Variants in VARS1 observed in about 807,000 individuals in gnomAD.
VARS1 encodes valine--tRNA ligase.
In VARS1, 92 loss-of-function variants were observed where a neutral mutation model predicts 161.0. That is an observed-to-expected ratio of 0.57 (90% CI 0.48 to 0.68). The LOEUF (loss-of-function observed/expected upper bound fraction) is 0.68, where lower values mean the gene tolerates loss of function less well. Among genes scored for constraint, VARS1 ranks in the 30% least tolerant of loss-of-function variants. The probability of loss-of-function intolerance (pLI) is 0.00; values close to 1 mark genes in which losing one functional copy is unlikely to be tolerated. For missense variants in VARS1, 1,338 were observed against 1,695.9 expected, an observed-to-expected ratio of 0.79 and a Z score of 3.71; for synonymous variants, 595 against 682.5, an observed-to-expected ratio of 0.87 and a Z score of 2.00.
At chr6:31,789,681 G>C (rs1813738563) in intron 8 of VARS1, among the ~76,000 whole-genome samples, 1 of 152,148 alleles carries the variant, frequency 6.6e-6, no homozygotes, top group South Asian at 2.1e-4. Context: ...CAATCTTTTG[G>C]CTTCCCTGGG....
At position 31,778,196 on chromosome 6, in the gene VARS1, G is replaced by A. The variant is rs1812865826; in HGVS notation, c.3727-534C>T. On this transcript the variant is annotated intron_variant, in intron 29 of 29. Coordinates refer to ENST00000375663, the MANE Select transcript of VARS1 (RefSeq NM_006295.3). The surrounding 1 kb of genome is among the most constrained non-coding windows in gnomAD (Gnocchi z 5.1). ...GTCAGCCCAGTAGGCTTGAAAGTAAGTGGTGGGAGGCCCAGGGCTCCCCGA... is the reference window on the plus strand; with the variant it reads ...GTCAGCCCAGTAGGCTTGAAAGTAAATGGTGGGAGGCCCAGGGCTCCCCGA... 1 of 156,936 alleles carries A rather than the reference G, an allele frequency of 6.4e-6. No individual in the cohort carries two copies. Among genetic ancestry groups the A allele is most frequent in the African/African-American group, 2.4e-5 (1 of 41,516 alleles). The allele number at this position is 156,936 out of a possible 1,614,324, so 9.7% of individuals were successfully genotyped here.
At position 31,780,445 on chromosome 6, in the gene VARS1, G is replaced by C; in HGVS notation, c.2921C>G (p.Ser974Cys). The change falls in exon 25 of 30, where the codon TCC becomes TGC. Residue 974 changes from serine (S) to cysteine (C), a missense_variant. Physicochemically the swap from Ser to Cys is moderately radical, Grantham distance 112. Around this residue, in one of 3 missense-constraint regions of VARS1, gnomAD observed 433 missense variants for 586.2 expected, o/e 0.74. Transcript: ENST00000375663. The surrounding 1 kb of genome is among the most constrained non-coding windows in gnomAD (Gnocchi z 5.1). Reference sequence around the variant, plus strand: ...TGCTGCCCACCAGGCCCTTACCTGGGAGGTGGGTGAGGGCACAAAACCCTT... The same window carrying C: ...TGCTGCCCACCAGGCCCTTACCTGGCAGGTGGGTGAGGGCACAAAACCCTT... ...LGKGFVPSPT[S>C]QPGGHESLVD... 1.2e-6 allele frequency: 2 copies of C among 1,612,930 alleles called. No homozygotes were observed. The highest frequency in any genetic ancestry group is 1.7e-6 in the Non-Finnish European group (2 of 1,179,416).
Position 31,781,284 on chromosome 6 carries a change from CT to C in VARS1, c.2545-162del. On this transcript the variant is annotated intron_variant, in intron 21 of 29. Transcript: ENST00000375663. The surrounding 1 kb of genome is among the most constrained non-coding windows in gnomAD (Gnocchi z 6.8). The stretch of plus-strand genomic sequence containing the variant: ...GCCTTTATGTGAATCAGAAGCACTC[CT>C]TCCTCTGGGAAGATGAAGCCCTGGG... The C allele has an allele frequency of 8.4e-7, 1 of 1,185,410 alleles. No individual in the cohort carries two copies. 73.4% of individuals were successfully genotyped at this position (1,185,410 alleles called of 1,614,324 possible).
In VARS1 at chr6:31,782,574, C is replaced by T; in HGVS notation, c.1947G>A (p.Leu649=). The T allele has an allele frequency of 6.2e-7, 1 of 1,613,100 alleles. No homozygotes were observed. The highest frequency in any genetic ancestry group is 1.1e-5 in the South Asian group (1 of 91,086). The change falls in exon 16 of 30, where the codon CTG becomes CTA. Residue 649 remains leucine, a synonymous_variant. Transcript: ENST00000375663. This position sits in a 1 kb window ranked among gnomAD's most constrained non-coding sequence, Gnocchi z 8.3. ...AVLVALKERG[L]FRGIEDNPMV... Reference sequence around the variant, plus strand: ...TGGGGTTGTCCTCAATGCCACGGAACAGTCCCCGCTCCTTCAGCGCCACCA... The same window carrying T: ...TGGGGTTGTCCTCAATGCCACGGAATAGTCCCCGCTCCTTCAGCGCCACCA...
At chr6:31,792,630 C>T (rs555266332) in intron 4 of VARS1, 114 bp from the exon 5 acceptor site, 2 of 1,591,344 alleles carry the variant, frequency 1.3e-6, no homozygotes, top group African/African-American at 1.3e-5. Context: ...TGCTGACCTC[C>T]CCCCTCTCCC....
Position 31,795,248 on chromosome 6 carries a change from A to G in VARS1, c.-31T>C. ...TGAGAAGGTCCGAACGAAGTGGAAAAACCTAAGGAGAAAGAGAGACAGGGG... is the reference window on the plus strand; with the variant it reads ...TGAGAAGGTCCGAACGAAGTGGAAAGACCTAAGGAGAAAGAGAGACAGGGG... On this transcript the variant is annotated splice_region_variant and 5_prime_UTR_variant, in exon 2 of 30. Coordinates refer to ENST00000375663, the MANE Select transcript of VARS1 (RefSeq NM_006295.3). The surrounding 1 kb of genome is among the most constrained non-coding windows in gnomAD (Gnocchi z 6.9). 1 of 1,392,450 alleles carries G rather than the reference A, an allele frequency of 7.2e-7. No individual in the cohort carries two copies. 86.3% of individuals were successfully genotyped at this position (1,392,450 alleles called of 1,614,324 possible).
At chr6:31,783,391 T>C (rs2151422799) in intron 13 of VARS1, among the ~76,000 whole-genome samples, 1 of 152,064 alleles carries the variant, frequency 6.6e-6, no homozygotes, top group Middle Eastern at 3.4e-3. Flanking sequence ...GTGCCTGTAA[T>C]CTCAGCTACT....
In VARS1 at chr6:31,781,232, CTGAGTGTCCCCAAGAGCTCGT is replaced by C; in HGVS notation, c.2545-130_2545-110del. The stretch of plus-strand genomic sequence containing the variant: ...ACCCCACTGTGAACCTCAGGTCCCA[CTGAGTGTCCCCAAGAGCTCGT>C]TGAGCGCCTTTATGTGAATCAGAAG... On this transcript the variant is annotated intron_variant, in intron 21 of 29. Transcript: ENST00000375663. The surrounding 1 kb of genome is among the most constrained non-coding windows in gnomAD (Gnocchi z 6.8). 7.5e-7 allele frequency: 1 copy of C among 1,336,858 alleles called. No homozygotes were observed. The highest frequency in any genetic ancestry group is 1.0e-6 in the Non-Finnish European group (1 of 956,616). The allele number at this position is 1,336,858 out of a possible 1,614,324, so 82.8% of individuals were successfully genotyped here. A position where few individuals can be genotyped will look rare whatever the true frequency, so the allele number is the denominator to read the frequency against.
chr6:31,793,024 G>C lies in VARS1; in HGVS notation c.484C>G (p.Leu162Val). ...LAGEAPTLAD[L>V]AAVTALLLPF... ...AGCAGCAAGGCTGTGACAGCCGCCA[G>C]GTCAGCCAGAGTGGGGGCCTCCCCG... The change falls in exon 3 of 30, where the codon CTG (leucine) becomes GTG (valine). Residue 162 changes from leucine to valine, a missense_variant. Physicochemically the swap from Leu to Val is conservative, Grantham distance 32. Transcript: ENST00000375663. The C allele has an allele frequency of 1.2e-6, 2 of 1,613,242 alleles. No individual in the cohort carries two copies. Among genetic ancestry groups the C allele is most frequent in the Non-Finnish European group, 1.7e-6 (2 of 1,180,040 alleles).
chr6:31,779,623 G>A lies in VARS1; in HGVS notation c.3273C>T (p.Tyr1091=). ...CATGCCATACCTCTGAGGGCTCCGG[G>A]TAGGGGGTAACACAGAGGCTAGGGG... is the stretch of plus-strand genomic sequence containing the variant. The part of the protein sequence containing the change: ...QAPPSLCVTP[Y]PEPSECSWKD... The change falls in exon 27 of 30, where the codon TAC becomes TAT. Residue 1091 remains tyrosine (Y), a synonymous_variant. Coordinates refer to ENST00000375663, the MANE Select transcript of VARS1 (RefSeq NM_006295.3). This position sits in a 1 kb window ranked among gnomAD's most constrained non-coding sequence, Gnocchi z 9.1. 6.2e-7 allele frequency: 1 copy of A among 1,612,652 alleles called. No individual in the cohort carries two copies. Among genetic ancestry groups the A allele is most frequent in the Non-Finnish European group, 8.5e-7 (1 of 1,179,826 alleles).
chr6:31,785,821 T>C lies in VARS1; in HGVS notation c.1101-88A>G. ...GCAGAGGCTTCAGGCAAGGAGTCAG[T>C]GGACTAAATAAAGAAGCAGGGAGGC... is the stretch of plus-strand genomic sequence containing the variant. On this transcript the variant is annotated intron_variant, in intron 8 of 29. Coordinates refer to ENST00000375663, the MANE Select transcript of VARS1 (RefSeq NM_006295.3). The surrounding 1 kb of genome is among the most constrained non-coding windows in gnomAD (Gnocchi z 6.1). 6.7e-7 allele frequency: 1 copy of C among 1,484,494 alleles called. No individual in the cohort carries two copies. Among genetic ancestry groups the C allele is most frequent in the Non-Finnish European group, 8.9e-7 (1 of 1,119,346 alleles). The allele number at this position is 1,484,494 out of a possible 1,614,324, so 92.0% of individuals were successfully genotyped here. A position where few individuals can be genotyped will look rare whatever the true frequency, so the allele number is the denominator to read the frequency against.
At position 31,795,114 on chromosome 6, in the gene VARS1, C is replaced by A; in HGVS notation, c.104G>T (p.Gly35Val). The stretch of plus-strand genomic sequence containing the variant: ...CTGGAGACAGATGCGGGGGTGGGCT[C>A]CTCCCCATCCGGGACCCTCCCCAGC... ...GEAGEGPGWG[G>V]AHPRICLQPP... Residue 35 changes from glycine (G) to valine (V), a missense_variant, in exon 2 of 30, where the codon GGA becomes GTA. Gly to Val is a moderately radical substitution (Grantham distance 109). Coordinates refer to ENST00000375663, the MANE Select transcript of VARS1 (RefSeq NM_006295.3). This position sits in a 1 kb window ranked among gnomAD's most constrained non-coding sequence, Gnocchi z 6.9. 6.7e-7 allele frequency: 1 copy of A among 1,486,264 alleles called. No individual in the cohort carries two copies. 92.1% of individuals were successfully genotyped at this position (1,486,264 alleles called of 1,614,324 possible). A position where few individuals can be genotyped will look rare whatever the true frequency, so the allele number is the denominator to read the frequency against.
In VARS1 at chr6:31,784,144, C is replaced by T. The variant is rs1346916884; in HGVS notation, c.1671+70G>A. 3.6e-5 allele frequency: 57 copies of T among 1,576,234 alleles called. No individual in the cohort carries two copies. Among genetic ancestry groups the T allele is most frequent in the Non-Finnish European group, 4.9e-5 (56 of 1,150,910 alleles). Reference sequence around the variant, plus strand: ...CCTCAGCCAGGGGCCTAAGTCCAACCCCTCCACCCCATAAGGATGGGAGCC... The same window carrying T: ...CCTCAGCCAGGGGCCTAAGTCCAACTCCTCCACCCCATAAGGATGGGAGCC... On this transcript the variant is annotated intron_variant, in intron 13 of 29. Coordinates refer to ENST00000375663, the MANE Select transcript of VARS1 (RefSeq NM_006295.3). The surrounding 1 kb of genome is among the most constrained non-coding windows in gnomAD (Gnocchi z 6.1).
In VARS1 at chr6:31,781,237, T is replaced by C. The variant is rs1374557828; in HGVS notation, c.2545-114A>G. On this transcript the variant is annotated intron_variant, in intron 21 of 29. Transcript: ENST00000375663. This position sits in a 1 kb window ranked among gnomAD's most constrained non-coding sequence, Gnocchi z 6.8. ...ACTGTGAACCTCAGGTCCCACTGAG[T>C]GTCCCCAAGAGCTCGTTGAGCGCCT... 1.5e-6 allele frequency: 2 copies of C among 1,308,440 alleles called. No homozygotes were observed. The highest frequency in any genetic ancestry group is 1.5e-5 in the African/African-American group (1 of 68,676). The allele number at this position is 1,308,440 out of a possible 1,614,324, so 81.1% of individuals were successfully genotyped here. A position where few individuals can be genotyped will look rare whatever the true frequency, so the allele number is the denominator to read the frequency against.
Position 31,780,642 on chromosome 6 carries a change from A to G in VARS1, c.2797+63T>C. 2 of 1,612,696 alleles carry G rather than the reference A, an allele frequency of 1.2e-6. No homozygotes were observed. The highest frequency in any genetic ancestry group is 1.7e-6 in the Non-Finnish European group (2 of 1,178,960). ...TGCCCACCAGAGGCTCAGGGTGGAG[A>G]AGAGGGATGGGCCTCACAGAAGGAG... On this transcript the variant is annotated intron_variant, in intron 24 of 29. Coordinates refer to ENST00000375663, the MANE Select transcript of VARS1 (RefSeq NM_006295.3). The surrounding 1 kb of genome is among the most constrained non-coding windows in gnomAD (Gnocchi z 5.1).
At position 31,786,753 on chromosome 6, in the gene VARS1, A is replaced by G. The variant is rs137999346; in HGVS notation, c.1101-1020T>C. On this transcript the variant is annotated intron_variant, in intron 8 of 29. Coordinates refer to ENST00000375663, the MANE Select transcript of VARS1 (RefSeq NM_006295.3). ...AAAGTTCTAATTGTTAAAATAAGTT[A>G]CTAAACAGGAACAAAATAGTACCTG... is the stretch of plus-strand genomic sequence containing the variant. Among the ~76,000 whole-genome samples the G allele has an allele frequency of 1.8e-3, 277 of 151,872 alleles. 6 individuals carry two copies. The East Asian group carries it at 0.042, about 23-fold the overall frequency.
At chr6:31,794,755 G>T in intron 2 of VARS1, 76 bp downstream of exon 2, 1 of 1,473,810 alleles carries the variant, frequency 6.8e-7, no homozygotes, top group Non-Finnish European at 9.1e-7. Context: ...CTACCTTCTT[G>T]TCTCATTGTC....
chr6:31,786,962 A>T (rs1418413575), intron 8 of VARS1, among the ~76,000 whole-genome samples: 1 of 151,996 alleles, frequency 6.6e-6, no homozygotes, highest in Admixed American at 6.6e-5. Context: ...ACAGTGGCTC[A>T]AGCCTATAAC....
chr6:31,779,719 C>T lies in VARS1; in HGVS notation c.3177G>A (p.Leu1059=), dbSNP rs1562293132. The change falls in exon 27 of 30, where the codon CTG becomes CTA. Residue 1059 remains leucine (L), a synonymous_variant. Transcript: ENST00000375663. The surrounding 1 kb of genome is among the most constrained non-coding windows in gnomAD (Gnocchi z 9.1). ...LYTCLDVGLR[L]LSPFMPFVTE... ...TCACGAAGGGCATGAAGGGTGAGAG[C>T]AGCCGCAGGCCAACGTCCAGGCAAG... The T allele has an allele frequency of 6.2e-7, 1 of 1,613,016 alleles. No individual in the cohort carries two copies. The highest frequency in any genetic ancestry group is 8.5e-7 in the Non-Finnish European group (1 of 1,180,010).
Sources: allele counts gnomAD v4.1 joint callset (sites outside exome capture counted in the v4.1 genomes callset), GRCh38; gene constraint gnomAD v4.1.1; regional missense constraint gnomAD v4.1.1; non-coding constraint Gnocchi (gnomAD v3.1); transcripts MANE v1.5; gene names NCBI Gene and HGNC (gene_info 2026-07-23, HGNC 2026-07-21).